Variants in CDH20 observed in about 807,000 individuals in gnomAD.
CDH20 encodes cadherin-20.
A neutral mutation model predicts 74.2 loss-of-function variants in CDH20; 29 were observed. The ratio of observed to expected loss-of-function variants is 0.39; its 90% CI spans 0.29 to 0.53. The LOEUF (loss-of-function observed/expected upper bound fraction) is 0.53, where lower values mean the gene tolerates loss of function less well. Ranked by LOEUF, CDH20 falls within the 20% of genes least tolerant of loss-of-function variation. CDH20 has a pLI of 0.69. For missense variants in CDH20, 988 were observed against 1,048.3 expected (o/e 0.94, Z 0.79); for synonymous variants, 469 against 405.4 (o/e 1.16, Z -1.88).
intron 1 of CDH20, among the ~76,000 whole-genome samples, chr18:61,346,610 G>GT (rs1910122090): frequency 6.6e-6 from 1 of 151,990 alleles, no homozygotes; most frequent in African/African-American, 2.4e-5. Context: ...TTTGACACAC[G>GT]TTTCTCTTTG....
At chr18:61,503,409 CAATACTAAGG>C (rs1402792825) in intron 5 of CDH20, among the ~76,000 whole-genome samples, 2 of 152,140 alleles carry the variant, frequency 1.3e-5, no homozygotes, top group African/African-American at 2.4e-5. Flanking sequence ...ACATAAAATG[CAATACTAAGG>C]AATAAGTTTT....
chr18:61,434,893 TTC>T (rs539461045), intron 1 of CDH20, among the ~76,000 whole-genome samples: 63 of 152,270 alleles, frequency 4.1e-4, no homozygotes, highest in African/African-American at 1.4e-3. Flanking sequence ...TTAGAATATT[TTC>T]TCTTACATGT....
intron 8 of CDH20, 60 bp from the exon 9 acceptor site, chr18:61,538,964 C>CCT (rs1728709609): frequency 1.3e-6 from 2 of 1,540,646 alleles, no homozygotes; most frequent in Non-Finnish European, 8.9e-7. Context: ...AACCATTACT[C>CCT]TTTTTTTTCT....
intron 1 of CDH20, among the ~76,000 whole-genome samples, chr18:61,463,271 T>A (rs1354759259): frequency 6.6e-6 from 1 of 152,020 alleles, no homozygotes; most frequent in African/African-American, 2.4e-5. Flanking sequence ...CCTCACCCCA[T>A]CCCGGTATCA....
chr18:61,511,515 AAACAATTAAGC>A (rs1239439316), intron 6 of CDH20, among the ~76,000 whole-genome samples: 1 of 152,136 alleles, frequency 6.6e-6, no homozygotes, highest in African/African-American at 2.4e-5. Context: ...AACTCTATTC[AAACAATTAAGC>A]AACCAGAAAA....
intron 1 of CDH20, among the ~76,000 whole-genome samples, chr18:61,339,676 T>G (rs907579758): frequency 2.8e-4 from 40 of 140,440 alleles, no homozygotes; most frequent in African/African-American, 1.0e-3. Flanking sequence ...CTGATGGTCA[T>G]AGAAATTTTT....
chr18:61,510,816 G>A (rs1309138636), intron 6 of CDH20, among the ~76,000 whole-genome samples: 2 of 152,136 alleles, frequency 1.3e-5, no homozygotes, highest in South Asian at 4.2e-4. Flanking sequence ...AATTATAATA[G>A]GTGATTAAAA....
chr18:61,499,554 G>A, intron 3 of CDH20, 74 bp downstream of exon 3: 2 of 1,111,238 alleles, frequency 1.8e-6, no homozygotes, highest in Non-Finnish European at 2.6e-6. Flanking sequence ...ATATGCACAT[G>A]CACACACACA....
intron 10 of CDH20, among the ~76,000 whole-genome samples, chr18:61,547,247 G>A (rs1275151162): frequency 6.6e-6 from 1 of 152,094 alleles, no homozygotes; most frequent in South Asian, 2.1e-4. Flanking sequence ...AGGATCATTT[G>A]AGCCCAGGAG....
At chr18:61,426,798 G>A (rs146987473) in intron 1 of CDH20, among the ~76,000 whole-genome samples, 5 of 152,282 alleles carry the variant, frequency 3.3e-5, no homozygotes, top group African/African-American at 9.6e-5. Flanking sequence ...CCTGGGACAC[G>A]TCCTCGTGGT....
chr18:61,390,142 A>C (rs1911729375), intron 1 of CDH20, among the ~76,000 whole-genome samples: 1 of 152,110 alleles, frequency 6.6e-6, no homozygotes, highest in Admixed American at 6.6e-5. Flanking sequence ...CCTCTGGAAT[A>C]TGAGAACAGG....
At chr18:61,475,161 G>A (rs1465380577) in intron 1 of CDH20, among the ~76,000 whole-genome samples, 4 of 152,284 alleles carry the variant, frequency 2.6e-5, no homozygotes, top group Admixed American at 2.0e-4. Flanking sequence ...CTGAAGGGAT[G>A]GAAGTTACAA....
chr18:61,538,588 G>GTTTTTTTTTTT (rs1265851069), intron 8 of CDH20, among the ~76,000 whole-genome samples: 8 of 55,116 alleles, frequency 1.5e-4, no homozygotes, highest in South Asian at 6.5e-4. Context: ...CTTTTTGTTT[G>GTTTTTTTTTTT]TTTGTTTGTT....
intron 1 of CDH20, among the ~76,000 whole-genome samples, chr18:61,360,573 T>G (rs1910654800): frequency 1.3e-5 from 2 of 152,118 alleles, no homozygotes; most frequent in Non-Finnish European, 2.9e-5. Context: ...ATGGAGCAGT[T>G]AGACTGTGCA....
At chr18:61,416,541 T>C (rs1912690022) in intron 1 of CDH20, among the ~76,000 whole-genome samples, 1 of 152,226 alleles carries the variant, frequency 6.6e-6, no homozygotes, top group Non-Finnish European at 1.5e-5. Context: ...TGCCTCACTA[T>C]CCAATTTAGC....
At chr18:61,390,939 C>G (rs1427468317) in intron 1 of CDH20, among the ~76,000 whole-genome samples, 1 of 151,990 alleles carries the variant, frequency 6.6e-6, no homozygotes, top group East Asian at 1.9e-4. Context: ...AACAAAACTA[C>G]AACCATAAAG....
intron 1 of CDH20, among the ~76,000 whole-genome samples, chr18:61,395,087 C>T (rs543504887): frequency 6.6e-6 from 1 of 152,050 alleles, no homozygotes; most frequent in Non-Finnish European, 1.5e-5. Context: ...TCCTCTTCCC[C>T]TTGCAAAACC....
chr18:61,492,383 C>A (rs1014850508), intron 2 of CDH20, among the ~76,000 whole-genome samples: 5 of 152,150 alleles, frequency 3.3e-5, no homozygotes, highest in African/African-American at 1.2e-4. Context: ...TCCTCATGTC[C>A]ACCTGCACCT....
rs545256689 is a variant in CDH20 at position 61,417,578 on chromosome 18, T to TAAAAAAAAAAAAAAAAAAAA, written c.-152-72816_-152-72797dup. 4.2e-4 allele frequency among the ~76,000 whole-genome samples: 26 copies of TAAAAAAAAAAAAAAAAAAAA among 62,342 alleles called. 4 individuals carry two copies. Among genetic ancestry groups the TAAAAAAAAAAAAAAAAAAAA allele is most frequent in the African/African-American group, 1.8e-3 (23 of 12,554 alleles). 40.9% of individuals were successfully genotyped at this position (62,342 alleles called of 152,430 possible). On this transcript the variant is annotated intron_variant, in intron 1 of 11. Transcript: ENST00000262717. ...TATGTTCTTACTCAGATGTGGGAGC[T>TAAAAAAAAAAAAAAAAAAAA]AAAAAAAAAAAAAAAAAAAAAAAAA...
Sources: allele counts gnomAD v4.1 joint callset (sites outside exome capture counted in the v4.1 genomes callset), GRCh38; gene constraint gnomAD v4.1.1; transcripts MANE v1.5; gene names NCBI Gene and HGNC (gene_info 2026-07-23, HGNC 2026-07-21).